Variants in PCDH9 observed in about 807,000 individuals in gnomAD.
PCDH9 encodes the protein protocadherin-9.
PCDH9 carries 24 observed loss-of-function variants against 70.6 expected under a neutral mutation model. The ratio of observed to expected loss-of-function variants is 0.34; its 90% CI spans 0.25 to 0.48. PCDH9 has a LOEUF of 0.48. PCDH9 is among the 20% of genes least tolerant of loss of function. The pLI, the probability that PCDH9 is intolerant of heterozygous loss-of-function variation, is 0.99. For missense variants in PCDH9, 1,281 were observed against 1,503.6 expected (o/e 0.85, Z 2.45); for synonymous variants, 562 against 558.5 (o/e 1.01, Z -0.09).
chr13:66,881,900 A>G (rs80314610), intron 3 of PCDH9, among the ~76,000 whole-genome samples: 5,273 of 152,310 alleles, frequency 0.035, 293 homozygotes, highest in African/African-American at 0.12. Flanking sequence ...TTTATCTAAG[A>G]TAACCTTAAG....
intron 3 of PCDH9, among the ~76,000 whole-genome samples, chr13:66,849,042 A>T (rs2139448357): frequency 6.6e-6 from 1 of 151,952 alleles, no homozygotes; most frequent in South Asian, 2.1e-4. Context: ...TTAAGTTAAC[A>T]GTTCTAATAA....
intron 3 of PCDH9, among the ~76,000 whole-genome samples, chr13:66,794,760 G>A (rs1479229093): frequency 6.6e-6 from 1 of 152,034 alleles, no homozygotes; most frequent in African/African-American, 2.4e-5. Context: ...TCACTATAAA[G>A]TTCTTGATGT....
intron 4 of PCDH9, among the ~76,000 whole-genome samples, chr13:66,328,878 C>A (rs1021486433): frequency 6.6e-6 from 1 of 152,062 alleles, no homozygotes; most frequent in Non-Finnish European, 1.5e-5. Flanking sequence ...CATTTTTTAA[C>A]TGGAAATTAC....
At chr13:67,045,564 A>C (rs1414050355) in intron 2 of PCDH9, among the ~76,000 whole-genome samples, 2 of 148,048 alleles carry the variant, frequency 1.4e-5, no homozygotes, top group Non-Finnish European at 1.5e-5. Flanking sequence ...AAAAACAAAC[A>C]AAAAAAAAAC....
At chr13:67,161,836 C>T (rs1375175356) in intron 2 of PCDH9, among the ~76,000 whole-genome samples, 1 of 152,114 alleles carries the variant, frequency 6.6e-6, no homozygotes, top group African/African-American at 2.4e-5. Flanking sequence ...ATTAGTCTCC[C>T]AACTACAGAT....
chr13:66,578,825 A>G (rs1297385380), intron 4 of PCDH9, among the ~76,000 whole-genome samples: 2 of 152,222 alleles, frequency 1.3e-5, no homozygotes, highest in Middle Eastern at 3.4e-3. Context: ...CCATTTTGGG[A>G]GCCAACTGAG....
chr13:67,119,106 G>C (rs1268119892), intron 2 of PCDH9, among the ~76,000 whole-genome samples: 4 of 152,066 alleles, frequency 2.6e-5, no homozygotes, highest in Admixed American at 6.6e-5. Flanking sequence ...GTAATGGATG[G>C]AAAAATAAAA....
intron 3 of PCDH9, among the ~76,000 whole-genome samples, chr13:66,716,876 G>GT (rs1338438978): frequency 6.6e-6 from 1 of 152,050 alleles, no homozygotes; most frequent in Non-Finnish European, 1.5e-5. Context: ...TGTCCACATG[G>GT]TAATATATTT....
At chr13:66,367,658 G>A (rs966883374) in intron 4 of PCDH9, among the ~76,000 whole-genome samples, 2 of 152,114 alleles carry the variant, frequency 1.3e-5, no homozygotes, top group African/African-American at 4.8e-5. Context: ...ATAGGGAGCT[G>A]CATGGTGTGA....
At chr13:67,057,020 G>T (rs1290610872) in intron 2 of PCDH9, among the ~76,000 whole-genome samples, 1 of 152,024 alleles carries the variant, frequency 6.6e-6, no homozygotes, top group East Asian at 1.9e-4. Flanking sequence ...ACCATACAGA[G>T]ACTTAATTTT....
chr13:66,827,123 G>C (rs78006487), intron 3 of PCDH9, among the ~76,000 whole-genome samples: 3 of 152,090 alleles, frequency 2.0e-5, no homozygotes, highest in Admixed American at 6.6e-5. Context: ...AGAGGTTGGA[G>C]TGATGTAAAT....
chr13:66,459,199 T>G (rs1038774441), intron 4 of PCDH9, among the ~76,000 whole-genome samples: 231 of 152,054 alleles, frequency 1.5e-3, no homozygotes, highest in Non-Finnish European at 2.3e-3. Flanking sequence ...TGTGGAGAGG[T>G]TGACCCAGAG....
At chr13:66,603,631 T>TTG (rs1197900659) in intron 4 of PCDH9, among the ~76,000 whole-genome samples, 1 of 152,028 alleles carries the variant, frequency 6.6e-6, no homozygotes, top group Non-Finnish European at 1.5e-5. Context: ...AATCAGGTCC[T>TTG]CATTCACCAC....
chr13:66,734,411 A>T (rs747912344), intron 3 of PCDH9, among the ~76,000 whole-genome samples: 2 of 152,108 alleles, frequency 1.3e-5, no homozygotes, highest in African/African-American at 2.4e-5. Context: ...CCCTGTAATA[A>T]ACAGTAATTG....
At chr13:66,420,364 T>C (rs1566311927) in intron 4 of PCDH9, among the ~76,000 whole-genome samples, 1 of 152,176 alleles carries the variant, frequency 6.6e-6, no homozygotes, top group African/African-American at 2.4e-5. Flanking sequence ...CTGACCCCTG[T>C]GCCTCATGAT....
intron 3 of PCDH9, among the ~76,000 whole-genome samples, chr13:66,759,817 G>A (rs1232066648): frequency 7.6e-6 from 1 of 132,138 alleles, no homozygotes; most frequent in South Asian, 2.5e-4. Context: ...AAATTATTGT[G>A]GTTATTAAAA....
chr13:66,541,388 A>T (rs934667325), intron 4 of PCDH9, among the ~76,000 whole-genome samples: 2 of 152,172 alleles, frequency 1.3e-5, no homozygotes, highest in African/African-American at 4.8e-5. Context: ...GTGGCTTAAA[A>T]CAACATAAAT....
chr13:66,307,552 T>C (rs1345677923), intron 4 of PCDH9, among the ~76,000 whole-genome samples: 2 of 152,072 alleles, frequency 1.3e-5, no homozygotes, highest in African/African-American at 4.8e-5. Context: ...TTTCTAAACA[T>C]CAATGGAGTT....
chr13:66,817,543 TTAA>T (rs1407148801), intron 3 of PCDH9, among the ~76,000 whole-genome samples: 3 of 152,178 alleles, frequency 2.0e-5, no homozygotes, highest in African/African-American at 4.8e-5. Context: ...ATTGTAATAT[TTAA>T]TACTTAGACT....
Sources: gnomAD v4.1 joint callset for allele counts (sites outside exome capture counted in the v4.1 genomes callset) on GRCh38, gnomAD v4.1.1 for gene constraint, MANE v1.5 for transcripts, NCBI Gene and HGNC (gene_info 2026-07-23, HGNC 2026-07-21) for gene names.